Variants in ZNF385D observed in about 807,000 individuals in gnomAD.
The protein encoded by ZNF385D is zinc finger protein 659.
In ZNF385D, 15 loss-of-function variants were observed where a neutral mutation model predicts 35.8. That is an observed-to-expected ratio of 0.42 (90% CI 0.28 to 0.64). The LOEUF (loss-of-function observed/expected upper bound fraction) is 0.64. ZNF385D is among the 30% of genes least tolerant of loss of function. ZNF385D has a pLI of 0.23. For synonymous variants in ZNF385D, 212 were observed against 186.8 expected, an observed-to-expected ratio of 1.13 and a Z score of -1.10; for missense variants, 474 against 494.6, an observed-to-expected ratio of 0.96 and a Z score of 0.39.
intron 3 of ZNF385D, among the ~76,000 whole-genome samples, chr3:22,103,245 C>T (rs755739335): frequency 5.3e-5 from 8 of 151,036 alleles, no homozygotes; most frequent in Non-Finnish European, 1.0e-4. Flanking sequence ...GTCTGTCTTC[C>T]CTGATAAACT....
intron 2 of ZNF385D, among the ~76,000 whole-genome samples, chr3:22,195,293 C>T (rs1042483812): frequency 6.6e-6 from 1 of 151,932 alleles, no homozygotes; most frequent in Non-Finnish European, 1.5e-5. Flanking sequence ...GTTTACGTGT[C>T]ATACATATAT....
At chr3:22,352,964 T>C (rs1217178647) in intron 2 of ZNF385D, among the ~76,000 whole-genome samples, 2 of 152,198 alleles carry the variant, frequency 1.3e-5, no homozygotes, top group Admixed American at 6.5e-5. Context: ...GAGTTCTACA[T>C]GGAGGGACAT....
chr3:22,154,954 T>C (rs1238252131), intron 3 of ZNF385D, among the ~76,000 whole-genome samples: 2 of 152,294 alleles, frequency 1.3e-5, no homozygotes, highest in South Asian at 2.1e-4. Context: ...GAAATTGATA[T>C]ACAAGATTTG....
chr3:21,818,491 G>C (rs1182564627), intron 3 of ZNF385D, among the ~76,000 whole-genome samples: 1 of 152,082 alleles, frequency 6.6e-6, no homozygotes, highest in Non-Finnish European at 1.5e-5. Context: ...ATTAATTTGG[G>C]TGTTATCATA....
chr3:21,739,467 G>A (rs1166142679), intron 1 of ZNF385D, among the ~76,000 whole-genome samples: 1 of 152,168 alleles, frequency 6.6e-6, no homozygotes, highest in Non-Finnish European at 1.5e-5. Flanking sequence ...GCCCTCATAA[G>A]TTGTTACAGA....
At chr3:22,024,163 C>T (rs1476465338) in intron 3 of ZNF385D, among the ~76,000 whole-genome samples, 1 of 152,100 alleles carries the variant, frequency 6.6e-6, no homozygotes, top group Non-Finnish European at 1.5e-5. Context: ...TATCTTTCTC[C>T]CATTCTGGAT....
chr3:21,750,344 A>G (rs1358170833), intron 1 of ZNF385D, among the ~76,000 whole-genome samples: 1 of 152,222 alleles, frequency 6.6e-6, no homozygotes, highest in Non-Finnish European at 1.5e-5. Flanking sequence ...GTTTCAAATA[A>G]TATGCATTTT....
Position 22,164,216 on chromosome 3 carries a change from C to CTTTTTTTTTTTTTTTTTTTTTTTT in ZNF385D, c.325+4577_325+4600dup, listed in dbSNP as rs571978176. ...CACTATAGGTAATACAAAAGGAGCA[C>CTTTTTTTTTTTTTTTTTTTTTTTT]TTTTTTTTTTTTTTTTTTTTTTTTT... On this transcript the variant is annotated intron_variant, in intron 3 of 5. Transcript: ENST00000494108. Among the ~76,000 whole-genome samples, 21 of 74,946 alleles carry CTTTTTTTTTTTTTTTTTTTTTTTT rather than the reference C, an allele frequency of 2.8e-4. 2 individuals carry two copies. Among genetic ancestry groups the CTTTTTTTTTTTTTTTTTTTTTTTT allele is most frequent in the African/African-American group, 3.5e-4 (7 of 19,878 alleles). 49.2% of individuals were successfully genotyped at this position (74,946 alleles called of 152,430 possible).
intron 3 of ZNF385D, among the ~76,000 whole-genome samples, chr3:21,934,912 T>A (rs962895690): frequency 6.6e-6 from 1 of 152,182 alleles, no homozygotes; most frequent in East Asian, 1.9e-4. Flanking sequence ...CACTTAAACA[T>A]AGAAGTCTGA....
chr3:22,034,561 T>C (rs1466751380), intron 3 of ZNF385D, among the ~76,000 whole-genome samples: 1 of 152,152 alleles, frequency 6.6e-6, no homozygotes, highest in Non-Finnish European at 1.5e-5. Context: ...AGAAATCAAT[T>C]TGAATTGTAA....
At chr3:21,819,094 A>G (rs2073281111) in intron 3 of ZNF385D, among the ~76,000 whole-genome samples, 1 of 152,056 alleles carries the variant, frequency 6.6e-6, no homozygotes, top group South Asian at 2.1e-4. Context: ...CATTATTTAA[A>G]TTAATACTTG....
At chr3:22,127,973 G>T (rs1406636687) in intron 3 of ZNF385D, among the ~76,000 whole-genome samples, 1 of 152,104 alleles carries the variant, frequency 6.6e-6, no homozygotes, top group Non-Finnish European at 1.5e-5. Flanking sequence ...AATATTACCA[G>T]TGAGTTTTGT....
At chr3:22,360,790 G>C (rs781097736) in intron 2 of ZNF385D, among the ~76,000 whole-genome samples, 1 of 151,956 alleles carries the variant, frequency 6.6e-6, no homozygotes, top group African/African-American at 2.4e-5. Flanking sequence ...TTAATGTTTA[G>C]ACTCTCCTTT....
At chr3:22,111,162 T>G (rs925125940) in intron 3 of ZNF385D, among the ~76,000 whole-genome samples, 2 of 86,588 alleles carry the variant, frequency 2.3e-5, no homozygotes, top group Non-Finnish European at 5.1e-5. Context: ...ATTTTTTTTT[T>G]TTTTTTTTTT....
chr3:21,604,505 A>T (rs2064417089), intron 2 of ZNF385D, among the ~76,000 whole-genome samples: 1 of 152,196 alleles, frequency 6.6e-6, no homozygotes, highest in African/African-American at 2.4e-5. Flanking sequence ...ATGAAAGAGG[A>T]GTAATCAGCA....
At chr3:22,180,214 C>T (rs955213223) in intron 2 of ZNF385D, among the ~76,000 whole-genome samples, 3 of 152,198 alleles carry the variant, frequency 2.0e-5, no homozygotes, top group Non-Finnish European at 4.4e-5. Context: ...TCGACACATA[C>T]ACCCTCCGAA....
At chr3:21,900,057 T>C (rs73820181) in intron 3 of ZNF385D, among the ~76,000 whole-genome samples, 2,432 of 152,252 alleles carry the variant, frequency 0.016, 67 homozygotes, top group African/African-American at 0.056. Context: ...GAAACTGCAC[T>C]AAGAGTCTAA....
chr3:22,003,565 GA>G (rs924366361), intron 3 of ZNF385D, among the ~76,000 whole-genome samples: 4 of 151,926 alleles, frequency 2.6e-5, no homozygotes, highest in African/African-American at 9.7e-5. Context: ...TTACAGAAAT[GA>G]AAAAAATACC....
intron 3 of ZNF385D, among the ~76,000 whole-genome samples, chr3:21,788,133 G>C (rs1348331766): frequency 6.6e-6 from 1 of 151,834 alleles, no homozygotes; most frequent in African/African-American, 2.4e-5. Flanking sequence ...ATTATCAATA[G>C]AACTATTAGA....
Sources: gnomAD v4.1 joint callset for allele counts (sites outside exome capture counted in the v4.1 genomes callset) on GRCh38, gnomAD v4.1.1 for gene constraint, MANE v1.5 for transcripts, NCBI Gene and HGNC (gene_info 2026-07-23, HGNC 2026-07-21) for gene names.